The following TTC29 variants were observed in gnomAD, a reference collection of about 807,000 sequenced individuals.
The protein encoded by TTC29 is tetratricopeptide repeat protein 29.
Under a neutral mutation model 58.1 loss-of-function variants are expected in TTC29, and 49 were observed. The observed-to-expected ratio is 0.84, with a 90% CI of 0.67 to 1.07. TTC29 has a LOEUF of 1.07. TTC29 is among the 50% of genes least tolerant of loss of function. The pLI is 0.00. For missense variants in TTC29, 582 were observed against 555.6 expected (o/e 1.05, Z -0.48); for synonymous variants, 209 against 196.8 (o/e 1.06, Z -0.52).
At chr4:146,729,416 A>T (rs970901166) in intron 11 of TTC29, among the ~76,000 whole-genome samples, 1 of 152,154 alleles carries the variant, frequency 6.6e-6, no homozygotes, top group Non-Finnish European at 1.5e-5. Context: ...GTGACATTTG[A>T]AGACTTTTTT....
At chr4:146,840,256 A>G (rs970075804) in intron 8 of TTC29, among the ~76,000 whole-genome samples, 3 of 151,294 alleles carry the variant, frequency 2.0e-5, no homozygotes, top group Non-Finnish European at 4.4e-5. Context: ...ATAAGCGTGG[A>G]AGAGATGAAA....
At chr4:146,917,203 TTA>T in intron 4 of TTC29, among the ~76,000 whole-genome samples, 1 of 150,788 alleles carries the variant, frequency 6.6e-6, no homozygotes, top group Non-Finnish European at 1.5e-5. Context: ...GAATTTTTCA[TTA>T]TAGTCATTAC....
At chr4:146,833,945 G>T in intron 8 of TTC29, 48 bp from the exon 9 acceptor site, 2 of 1,254,558 alleles carry the variant, frequency 1.6e-6, no homozygotes, top group East Asian at 2.4e-5. Context: ...AGCCAGATAC[G>T]CTGATGTTTC....
At chr4:146,822,756 A>G (rs548471948) in intron 9 of TTC29, among the ~76,000 whole-genome samples, 51 of 152,254 alleles carry the variant, frequency 3.3e-4, no homozygotes, top group African/African-American at 1.2e-3. Flanking sequence ...CCACAGCCTC[A>G]CCAGAATCTA....
At position 146,829,169 on chromosome 4, in the gene TTC29, C is replaced by T. The variant is rs570300822; in HGVS notation, c.977+4637G>A. 1.9e-4 allele frequency among the ~76,000 whole-genome samples: 29 copies of T among 152,284 alleles called. No individual in the cohort carries two copies. The South Asian group carries it at 5.0e-3, about 26-fold the overall frequency. On this transcript the variant is annotated intron_variant, in intron 9 of 12. Coordinates refer to ENST00000325106, the MANE Select transcript of TTC29 (RefSeq NM_031956.4). ...ATATATTCGGAGGAACAGGACTCCT[C>T]GGTCCAAAGAATGAGAATGAAACAG...
At chr4:146,799,416 ACAAG>A (rs991719271) in intron 11 of TTC29, among the ~76,000 whole-genome samples, 8 of 152,184 alleles carry the variant, frequency 5.3e-5, no homozygotes, top group African/African-American at 1.9e-4. Context: ...AATGAAAAAT[ACAAG>A]CAAGGAACAG....
intron 11 of TTC29, among the ~76,000 whole-genome samples, chr4:146,783,668 C>T (rs1166448959): frequency 6.6e-6 from 1 of 152,060 alleles, no homozygotes; most frequent in Non-Finnish European, 1.5e-5. Flanking sequence ...TATTTCTCAA[C>T]TGAGAAAGGA....
At chr4:146,929,528 C>T (rs1735167047) in intron 4 of TTC29, among the ~76,000 whole-genome samples, 1 of 152,104 alleles carries the variant, frequency 6.6e-6, no homozygotes, top group Admixed American at 6.6e-5. Flanking sequence ...ATAAGAAAAC[C>T]TAATTTTATA....
chr4:146,822,870 T>G (rs1204411621), intron 9 of TTC29, among the ~76,000 whole-genome samples: 1 of 152,264 alleles, frequency 6.6e-6, no homozygotes, highest in Non-Finnish European at 1.5e-5. Context: ...GTTGAGCTTT[T>G]TTTCATGTTT....
At chr4:146,908,554 T>C (rs763022378) in intron 5 of TTC29, among the ~76,000 whole-genome samples, 3 of 152,306 alleles carry the variant, frequency 2.0e-5, no homozygotes, top group Admixed American at 2.0e-4. Context: ...TTTTTACTAT[T>C]TACAAAGATA....
chr4:146,892,716 T>A (rs1732466215), intron 6 of TTC29, among the ~76,000 whole-genome samples: 1 of 152,174 alleles, frequency 6.6e-6, no homozygotes, highest in Admixed American at 6.5e-5. Context: ...ATAAACGATA[T>A]TCAATTAGGA....
chr4:146,909,371 G>A, intron 4 of TTC29, 122 bp from the exon 5 acceptor site: 1 of 742,990 alleles, frequency 1.3e-6, no homozygotes. Flanking sequence ...TGAAAGCACT[G>A]AAAACTATCA....
intron 2 of TTC29, chr4:146,942,887 C>A (rs918520590): frequency 5.8e-6 from 2 of 347,194 alleles, no homozygotes; most frequent in South Asian, 1.1e-4. Flanking sequence ...AAATGAGGAA[C>A]AGTGCTTGCA....
intron 4 of TTC29, among the ~76,000 whole-genome samples, chr4:146,936,658 A>G (rs1425247908): frequency 6.6e-6 from 1 of 152,098 alleles, no homozygotes; most frequent in East Asian, 1.9e-4. Flanking sequence ...AAAATAAATG[A>G]CTGTGTTTTT....
chr4:146,827,867 C>T (rs886416531), intron 9 of TTC29, among the ~76,000 whole-genome samples: 7 of 152,180 alleles, frequency 4.6e-5, no homozygotes, highest in African/African-American at 1.7e-4. Flanking sequence ...AAACATTCAT[C>T]ATGTGATGAA....
At chr4:146,779,597 C>A (rs1055796928) in intron 11 of TTC29, among the ~76,000 whole-genome samples, 1 of 151,954 alleles carries the variant, frequency 6.6e-6, no homozygotes, top group African/African-American at 2.4e-5. Context: ...ATATAATTCT[C>A]TATGTTAATT....
At chr4:146,861,976 C>T (rs17610019) in intron 8 of TTC29, among the ~76,000 whole-genome samples, 16,156 of 151,816 alleles carry the variant, frequency 0.11, 1,041 homozygotes, top group East Asian at 0.2. Context: ...AGACTGAATA[C>T]GAAAAGGAAA....
intron 5 of TTC29, among the ~76,000 whole-genome samples, chr4:146,906,719 T>A (rs2150278529): frequency 6.6e-6 from 1 of 152,350 alleles, no homozygotes; most frequent in South Asian, 2.1e-4. Context: ...CAGCTGAAGT[T>A]TTTCCAGTAA....
At chr4:146,927,029 G>A (rs1734980135) in intron 4 of TTC29, among the ~76,000 whole-genome samples, 1 of 144,728 alleles carries the variant, frequency 6.9e-6, no homozygotes, top group African/African-American at 2.5e-5. Context: ...CCCAGGAGGT[G>A]GAGATTGCGC....
Sources: gnomAD v4.1 joint callset for allele counts (sites outside exome capture counted in the v4.1 genomes callset) on GRCh38, gnomAD v4.1.1 for gene constraint, MANE v1.5 for transcripts, NCBI Gene and HGNC (gene_info 2026-07-23, HGNC 2026-07-21) for gene names.